Variants in GRIK4 observed in about 807,000 individuals in gnomAD.
GRIK4 encodes the protein glutamate ionotropic receptor kainate type subunit 4.
GRIK4 carries 40 observed loss-of-function variants against 104.9 expected under a neutral mutation model. The ratio of observed to expected loss-of-function variants is 0.38; its 90% CI spans 0.30 to 0.50. The LOEUF (loss-of-function observed/expected upper bound fraction) is 0.50, where lower values mean the gene tolerates loss of function less well. GRIK4 is among the 20% of genes least tolerant of loss of function. The pLI, the probability that GRIK4 is intolerant of heterozygous loss-of-function variation, is 0.93. For missense variants in GRIK4, 1,047 were observed against 1,308.1 expected (o/e 0.80, Z 3.08); for synonymous variants, 485 against 524.9 (o/e 0.92, Z 1.04).
intron 1 of GRIK4, among the ~76,000 whole-genome samples, chr11:120,588,599 T>A (rs1169979386): frequency 6.6e-6 from 1 of 152,072 alleles, no homozygotes; most frequent in Non-Finnish European, 1.5e-5. Context: ...CCGGGAGGCA[T>A]CCCAGGAGGT....
chr11:120,670,483 C>T (rs1949996280), intron 3 of GRIK4, among the ~76,000 whole-genome samples: 1 of 152,218 alleles, frequency 6.6e-6, no homozygotes, highest in African/African-American at 2.4e-5. Flanking sequence ...ATGCCACACA[C>T]CACCCCCAGC....
At position 120,861,944 on chromosome 11, in the gene GRIK4, G is replaced by T; in HGVS notation, c.745-15G>T. The stretch of plus-strand genomic sequence containing the variant: ...TCCTAACTACATTCTTATTTCTGAT[G>T]CTGGGTCTTTCCAGGAGTTCTCACT... On this transcript the variant is annotated splice_polypyrimidine_tract_variant and intron_variant, in intron 8 of 20. Transcript: ENST00000527524. 6.2e-7 allele frequency: 1 copy of T among 1,604,264 alleles called. No individual in the cohort carries two copies. Among genetic ancestry groups the T allele is most frequent in the Non-Finnish European group, 8.5e-7 (1 of 1,171,516 alleles).
chr11:120,659,304 G>T (rs1218642695), intron 2 of GRIK4, among the ~76,000 whole-genome samples: 1 of 152,142 alleles, frequency 6.6e-6, no homozygotes, highest in African/African-American at 2.4e-5. Context: ...GTTTTCAGCG[G>T]TAGTAGAGCA....
intron 4 of GRIK4, among the ~76,000 whole-genome samples, chr11:120,803,214 C>T (rs182003159): frequency 2.1e-3 from 326 of 152,278 alleles, no homozygotes; most frequent in African/African-American, 7.5e-3. Flanking sequence ...GTATCTTAGC[C>T]ACTACACATC....
intron 13 of GRIK4, among the ~76,000 whole-genome samples, chr11:120,928,645 C>G (rs1354135255): frequency 2.0e-5 from 3 of 152,132 alleles, no homozygotes; most frequent in African/African-American, 7.2e-5. Flanking sequence ...ACTGCCAGCC[C>G]CTTCTTTCCT....
intron 1 of GRIK4, among the ~76,000 whole-genome samples, chr11:120,553,687 C>T (rs1217404462): frequency 1.3e-5 from 2 of 152,118 alleles, no homozygotes; most frequent in East Asian, 3.9e-4. Context: ...AGCAGAGAGC[C>T]CTATGGGCCT....
intron 11 of GRIK4, chr11:120,894,320 A>G (rs992189151): frequency 9.2e-5 from 14 of 152,198 alleles, no homozygotes; most frequent in African/African-American, 3.4e-4. Flanking sequence ...AACTTACCCA[A>G]GTTCACGTAG....
At chr11:120,613,791 A>G (rs1949069424) in intron 1 of GRIK4, among the ~76,000 whole-genome samples, 1 of 152,190 alleles carries the variant, frequency 6.6e-6, no homozygotes, top group Admixed American at 6.5e-5. Flanking sequence ...AAGAGCCCAG[A>G]GTCAGGTGTG....
At chr11:120,548,972 C>T (rs903775370) in intron 1 of GRIK4, among the ~76,000 whole-genome samples, 1 of 152,228 alleles carries the variant, frequency 6.6e-6, no homozygotes, top group Non-Finnish European at 1.5e-5. Context: ...CTCAGGCAGG[C>T]TTGACCTAGC....
At chr11:120,846,692 G>T (rs1953860472) in intron 8 of GRIK4, among the ~76,000 whole-genome samples, 1 of 152,180 alleles carries the variant, frequency 6.6e-6, no homozygotes, top group African/African-American at 2.4e-5. Flanking sequence ...TCTTGTTTTG[G>T]CTGTCCCACT....
In GRIK4 at chr11:120,742,029, T is replaced by G. The variant is rs565093527; in HGVS notation, c.83-60664T>G. ...TCACATCTCAGGAATTAAGGAAAGG[T>G]TTGGTCAAATTTACAAAAGAAAAAC... On this transcript the variant is annotated intron_variant, in intron 3 of 20. Coordinates refer to ENST00000527524, the MANE Select transcript of GRIK4 (RefSeq NM_014619.5). Among the ~76,000 whole-genome samples, 3 of 151,936 alleles carry G rather than the reference T, an allele frequency of 2.0e-5. No individual in the cohort carries two copies. In the East Asian group the frequency reaches 5.8e-4, roughly 29 times the overall value.
chr11:120,660,103 C>G (rs1949785576), intron 2 of GRIK4, among the ~76,000 whole-genome samples, 166 bp from the exon 3 acceptor site: 1 of 152,176 alleles, frequency 6.6e-6, no homozygotes, highest in South Asian at 2.1e-4. Flanking sequence ...GCAACCTGCC[C>G]CATGTCGGTC....
intron 1 of GRIK4, among the ~76,000 whole-genome samples, chr11:120,610,096 G>C (rs946103509): frequency 1.3e-5 from 2 of 152,084 alleles, no homozygotes; most frequent in Non-Finnish European, 2.9e-5. Flanking sequence ...CTCGCTTCTT[G>C]GTTTCGCTTT....
At chr11:120,654,879 C>T (rs985341199) in intron 2 of GRIK4, among the ~76,000 whole-genome samples, 1 of 152,088 alleles carries the variant, frequency 6.6e-6, no homozygotes, top group Non-Finnish European at 1.5e-5. Context: ...CAGACCAAGC[C>T]CCAGGCACAG....
At chr11:120,932,993 A>G (rs1475504131) in intron 13 of GRIK4, among the ~76,000 whole-genome samples, 6 of 152,224 alleles carry the variant, frequency 3.9e-5, no homozygotes, top group Non-Finnish European at 8.8e-5. Context: ...ATTCTCCCCA[A>G]AGGAGAATCA....
chr11:120,885,342 CAAGAA>C (rs1955086907), intron 11 of GRIK4, among the ~76,000 whole-genome samples: 1 of 151,672 alleles, frequency 6.6e-6, no homozygotes, highest in Non-Finnish European at 1.5e-5. Flanking sequence ...TTCAACTATG[CAAGAA>C]AAGAAGAGGA....
chr11:120,571,806 A>C (rs1948403885), intron 1 of GRIK4, among the ~76,000 whole-genome samples: 1 of 152,132 alleles, frequency 6.6e-6, no homozygotes, highest in Non-Finnish European at 1.5e-5. Context: ...CAGGTCTGTG[A>C]GGTGACCTGG....
intron 6 of GRIK4, among the ~76,000 whole-genome samples, chr11:120,828,176 C>T (rs1171656230): frequency 6.6e-6 from 1 of 152,196 alleles, no homozygotes; most frequent in Admixed American, 6.5e-5. Context: ...ATGCACCCTG[C>T]CTGCACTGGG....
chr11:120,743,911 G>T (rs1190084144), intron 3 of GRIK4, among the ~76,000 whole-genome samples: 1 of 152,160 alleles, frequency 6.6e-6, no homozygotes, highest in Non-Finnish European at 1.5e-5. Flanking sequence ...TCGGTGGAAG[G>T]GCTTTAATAT....
Sources: allele counts gnomAD v4.1 joint callset (sites outside exome capture counted in the v4.1 genomes callset), GRCh38; gene constraint gnomAD v4.1.1; transcripts MANE v1.5; gene names NCBI Gene and HGNC (gene_info 2026-07-23, HGNC 2026-07-21).